CATSPER4: variants seen among roughly 807,000 people sequenced by gnomAD.
CATSPER4 encodes cation channel sperm associated 4, also known as cation channel sperm-associated protein 4.
CATSPER4 carries 46 observed loss-of-function variants against 54.4 expected under a neutral mutation model. The observed-to-expected ratio is 0.84, with a 90% CI of 0.67 to 1.08. The LOEUF (loss-of-function observed/expected upper bound fraction) is 1.08, where lower values mean the gene tolerates loss of function less well. Among genes scored for constraint, CATSPER4 ranks in the 50% least tolerant of loss-of-function variants. The pLI is 0.00. For missense variants in CATSPER4, 574 were observed against 612.8 expected (o/e 0.94, Z 0.67); for synonymous variants, 230 against 231.9 (o/e 0.99, Z 0.08).
Position 26,198,078 on chromosome 1 carries a change from G to A in CATSPER4, c.678+1G>A. The A allele has an allele frequency of 1.2e-6, 2 of 1,614,182 alleles. No individual in the cohort carries two copies. The highest frequency in any genetic ancestry group is 1.1e-5 in the South Asian group (1 of 91,088). ...GGTCCTCATCCTCTTCTTCATGCTG[G>A]TCAGTGCCTGCCCCCGCCCCCAGCT... On this transcript the variant is annotated splice_donor_variant, in intron 5 of 9. Coordinates refer to ENST00000456354, the MANE Select transcript of CATSPER4 (RefSeq NM_198137.2). LOFTEE classifies it high-confidence loss of function.
chr1:26,193,017 G>A (rs1354792240), intron 2 of CATSPER4, among the ~76,000 whole-genome samples: 1 of 151,708 alleles, frequency 6.6e-6, no homozygotes, highest in Non-Finnish European at 1.5e-5. Context: ...TAGGAGAATC[G>A]CTTGAACCCA....
At position 26,201,489 on chromosome 1, in the gene CATSPER4, C is replaced by T; in HGVS notation, c.1335C>T (p.Asp445=). The T allele has an allele frequency of 6.2e-7, 1 of 1,614,058 alleles. No homozygotes were observed. The highest frequency in any genetic ancestry group is 8.5e-7 in the Non-Finnish European group (1 of 1,179,970). The change falls in exon 9 of 10, where the codon GAC becomes GAT. Residue 445 remains aspartate (D), a synonymous_variant. Coordinates refer to ENST00000456354, the MANE Select transcript of CATSPER4 (RefSeq NM_198137.2). ...TCCGCCAGATGTCTCAACAGCAAGA[C>T]TTGCTCAGTGCGCTCGTTAGCATGG... ...KDIRQMSQQQ[D]LLSALVSMEK... is the part of the protein sequence containing the mutation.
Position 26,190,940 on chromosome 1 carries a change from C to T in CATSPER4, c.213+100C>T. 3 of 1,121,038 alleles carry T rather than the reference C, an allele frequency of 2.7e-6. No individual in the cohort carries two copies. The Admixed American group carries it at 6.0e-5, about 22-fold the overall frequency. The allele number at this position is 1,121,038 out of a possible 1,614,324, so 69.4% of individuals were successfully genotyped here. ...TGCCCCTCTACCCTCTAAACGCCCC[C>T]AGAAGACCCTCCCTAGCACTGATCC... On this transcript the variant is annotated intron_variant, in intron 1 of 9. Coordinates refer to ENST00000456354, the MANE Select transcript of CATSPER4 (RefSeq NM_198137.2).
rs754390252 is a variant in CATSPER4, at chr1:26,201,077, T to C, written c.1199+36T>C. 3 of 1,525,202 alleles carry C rather than the reference T, an allele frequency of 2.0e-6. No homozygotes were observed. The Admixed American group carries it at 5.0e-5, about 25-fold the overall frequency. The allele number at this position is 1,525,202 out of a possible 1,614,324, so 94.5% of individuals were successfully genotyped here. On this transcript the variant is annotated intron_variant, in intron 8 of 9. Transcript: ENST00000456354. ...GTACTGGGGCTGCCCCCAAGTCATG[T>C]GAGTCAAGGCTGGGCGGAGCGTCAG...
chr1:26,200,729 C>G (rs1479033224), intron 7 of CATSPER4, 101 bp from the exon 8 acceptor site: 2 of 914,538 alleles, frequency 2.2e-6, no homozygotes, highest in Non-Finnish European at 3.6e-6. Flanking sequence ...CCTTAGAACC[C>G]TGGGGTCCTA....
chr1:26,194,093 G>C (rs1270683977), intron 3 of CATSPER4, among the ~76,000 whole-genome samples: 1 of 152,210 alleles, frequency 6.6e-6, no homozygotes, highest in African/African-American at 2.4e-5. Flanking sequence ...TCCAATCCCT[G>C]CTCCAGCCTT....
chr1:26,191,803 C>T (rs2088872131), intron 2 of CATSPER4, among the ~76,000 whole-genome samples: 1 of 152,138 alleles, frequency 6.6e-6, no homozygotes. Context: ...ATAATAAGCA[C>T]AACTGGGTCC....
At position 26,200,890 on chromosome 1, in the gene CATSPER4, C is replaced by T. The variant is rs777830092; in HGVS notation, c.1048C>T (p.Arg350Cys). ...GCCACTGGTGCATTGTGTGGTCGCC[C>T]GCTCGGAGAAATCTGGTCTCCTCCA... is the stretch of plus-strand genomic sequence containing the variant. ...QLPLVHCVVA[R>C]SEKSGLLQEP... The change falls in exon 8 of 10, where the codon CGC becomes TGC. Residue 350 changes from arginine (R) to cysteine (C), a missense_variant. Coordinates refer to ENST00000456354, the MANE Select transcript of CATSPER4 (RefSeq NM_198137.2). 2.7e-5 allele frequency: 43 copies of T among 1,613,998 alleles called. No individual in the cohort carries two copies. Among genetic ancestry groups the T allele is most frequent in the Non-Finnish European group, 3.6e-5 (42 of 1,180,026 alleles).
chr1:26,199,363 C>T (rs979589995), intron 6 of CATSPER4, among the ~76,000 whole-genome samples: 12 of 149,720 alleles, frequency 8.0e-5, no homozygotes, highest in South Asian at 2.1e-4. Flanking sequence ...ACCTGGGAGG[C>T]GGAGGTTGCG....
At chr1:26,201,633 C>T (rs760096946) in intron 9 of CATSPER4, 114 bp downstream of exon 9, 2 of 915,318 alleles carry the variant, frequency 2.2e-6, no homozygotes, top group Non-Finnish European at 1.8e-6. Context: ...AGATCTGGTC[C>T]CCCTCACCAC....
Position 26,201,246 on chromosome 1 carries a change from G to A in CATSPER4, c.1200-108G>A, listed in dbSNP as rs1476789576. ...AGGGCACAGCTCGGCCTGGGTCTCT[G>A]TCAGGGCTGCGTGGGAGAGCGAAGC... On this transcript the variant is annotated intron_variant, in intron 8 of 9. Coordinates refer to ENST00000456354, the MANE Select transcript of CATSPER4 (RefSeq NM_198137.2). 4 of 1,270,370 alleles carry A rather than the reference G, an allele frequency of 3.1e-6. No individual in the cohort carries two copies. The African/African-American group carries it at 5.8e-5, about 19-fold the overall frequency. The allele number at this position is 1,270,370 out of a possible 1,614,324, so 78.7% of individuals were successfully genotyped here.
intron 6 of CATSPER4, among the ~76,000 whole-genome samples, chr1:26,199,586 G>C (rs1021660728): frequency 2.9e-5 from 3 of 104,332 alleles, no homozygotes; most frequent in Non-Finnish European, 4.3e-5. Context: ...GCAACACAGC[G>C]AGACTCCATC....
At chr1:26,193,473 A>G (rs11247868) in intron 2 of CATSPER4, among the ~76,000 whole-genome samples, 126,762 of 152,142 alleles carry the variant, frequency 0.83, 53,889 homozygotes, top group Non-Finnish European at 0.9. Context: ...ACAAAAGTTC[A>G]TAGTCAGACA....
At chr1:26,192,284 T>C (rs1417743908) in intron 2 of CATSPER4, among the ~76,000 whole-genome samples, 1 of 151,930 alleles carries the variant, frequency 6.6e-6, no homozygotes, top group Non-Finnish European at 1.5e-5. Flanking sequence ...CGAGCTACCA[T>C]GCCTAATTAA....
Position 26,200,946 on chromosome 1 carries a change from C to T in CATSPER4, c.1104C>T (p.Asn368=), listed in dbSNP as rs762393629. The T allele has an allele frequency of 3.1e-6, 5 of 1,614,106 alleles. No individual in the cohort carries two copies. The highest frequency in any genetic ancestry group is 3.4e-6 in the Non-Finnish European group (4 of 1,180,024). ...CCCTTGCGGGAGGCCCCCTGTCGAA[C>T]CTCTCAGAAAACACGTGTGACAACT... The part of the protein sequence containing the change: ...QEPLAGGPLS[N]LSENTCDNFC... The change falls in exon 8 of 10, where the codon AAC becomes AAT. Residue 368 remains asparagine, a synonymous_variant. Transcript: ENST00000456354.
chr1:26,198,921 T>C (rs2088974792), intron 6 of CATSPER4, among the ~76,000 whole-genome samples: 1 of 152,242 alleles, frequency 6.6e-6, no homozygotes, highest in Non-Finnish European at 1.5e-5. Flanking sequence ...TTAACTGATT[T>C]CTTTTTATCT....
chr1:26,198,986 A>C (rs1249306971), intron 6 of CATSPER4, among the ~76,000 whole-genome samples: 1 of 152,172 alleles, frequency 6.6e-6, no homozygotes, highest in Non-Finnish European at 1.5e-5. Context: ...GTCATTCTCC[A>C]TTATGGCATA....
rs2088965166 is a variant in CATSPER4 at position 26,198,146 on chromosome 1, A to C, written c.678+69A>C. 9 of 1,613,706 alleles carry C rather than the reference A, an allele frequency of 5.6e-6. No homozygotes were observed. In the South Asian group the frequency reaches 9.9e-5, roughly 18 times the overall value. ...AGGGCCCTTGGGTCATTGCAAATAG[A>C]GGGGTGTCTGGAAAAGCAGAGAGGC... On this transcript the variant is annotated intron_variant, in intron 5 of 9. Coordinates refer to ENST00000456354, the MANE Select transcript of CATSPER4 (RefSeq NM_198137.2).
At chr1:26,191,258 G>A in intron 1 of CATSPER4, 29 bp from the exon 2 acceptor site, 1 of 1,613,354 alleles carries the variant, frequency 6.2e-7, no homozygotes, top group Non-Finnish European at 8.5e-7. Flanking sequence ...GGTGACACCT[G>A]CCTGAAGGAA....
Sources: allele counts gnomAD v4.1 joint callset (sites outside exome capture counted in the v4.1 genomes callset), GRCh38; gene constraint gnomAD v4.1.1; transcripts MANE v1.5; gene names NCBI Gene and HGNC (gene_info 2026-07-23, HGNC 2026-07-21).